Variants in RBFOX1 observed in about 807,000 individuals in gnomAD.
The protein encoded by RBFOX1 is RNA binding protein fox-1 homolog 1.
Under a neutral mutation model 57.7 loss-of-function variants are expected in RBFOX1, and 8 were observed. The observed-to-expected ratio is 0.14, with a 90% confidence interval of 0.08 to 0.25. The LOEUF (loss-of-function observed/expected upper bound fraction) is 0.25. RBFOX1 is among the 10% of genes least tolerant of loss of function. The pLI is 1.00. For synonymous variants in RBFOX1, 326 were observed against 222.4 expected, an observed-to-expected ratio of 1.47 and a Z score of -4.15; for missense variants, 611 against 548.5, an observed-to-expected ratio of 1.11 and a Z score of -1.14.
chr16:7,250,419 C>T (rs1174818499), intron 4 of RBFOX1, among the ~76,000 whole-genome samples: 3 of 152,176 alleles, frequency 2.0e-5, no homozygotes, highest in African/African-American at 4.8e-5. Flanking sequence ...TCATTTGTGT[C>T]TTCTAAGTGA....
At chr16:6,171,564 A>G (rs1453668284) in intron 1 of RBFOX1, among the ~76,000 whole-genome samples, 1 of 152,164 alleles carries the variant, frequency 6.6e-6, no homozygotes, top group African/African-American at 2.4e-5. Context: ...GGTTCTGCAA[A>G]TGTCTTGCCA....
chr16:5,819,244 C>T (rs2055758331), intron 3 of RBFOX1, among the ~76,000 whole-genome samples: 1 of 152,176 alleles, frequency 6.6e-6, no homozygotes, highest in South Asian at 2.1e-4. Flanking sequence ...AATGTGACAT[C>T]CTATGACAAA....
chr16:6,328,101 C>G (rs1317750364), intron 2 of RBFOX1, among the ~76,000 whole-genome samples: 1 of 152,178 alleles, frequency 6.6e-6, no homozygotes, highest in African/African-American at 2.4e-5. Flanking sequence ...TAATGGAATA[C>G]TACTCAGCCA....
At chr16:5,494,540 G>A (rs1402843806) in intron 2 of RBFOX1, among the ~76,000 whole-genome samples, 4 of 152,198 alleles carry the variant, frequency 2.6e-5, no homozygotes, top group African/African-American at 7.2e-5. Flanking sequence ...CCAAGGATGA[G>A]GGAGGTCTTG....
chr16:7,076,124 C>A (rs1249866050), intron 4 of RBFOX1, among the ~76,000 whole-genome samples: 1 of 151,694 alleles, frequency 6.6e-6, no homozygotes, highest in African/African-American at 2.4e-5. Flanking sequence ...TCACTGCAAC[C>A]TCTGCCTCCC....
At chr16:6,071,492 A>G (rs1021023490) in intron 1 of RBFOX1, among the ~76,000 whole-genome samples, 1 of 152,104 alleles carries the variant, frequency 6.6e-6, no homozygotes, top group Non-Finnish European at 1.5e-5. Context: ...GTTTACCGAT[A>G]TAACAAACCT....
At chr16:5,834,726 C>CATAG (rs375801995) in intron 3 of RBFOX1, among the ~76,000 whole-genome samples, 2 of 128,270 alleles carry the variant, frequency 1.6e-5, no homozygotes, top group African/African-American at 3.1e-5. Context: ...TACATAGATA[C>CATAG]ATAGATACAT....
intron 4 of RBFOX1, among the ~76,000 whole-genome samples, chr16:7,439,790 T>C (rs1598444426): frequency 6.6e-6 from 1 of 152,142 alleles, no homozygotes; most frequent in Non-Finnish European, 1.5e-5. Flanking sequence ...ACAGATTGCT[T>C]GCTTGTCAAA....
chr16:5,978,670 TTTTG>T lies in RBFOX1; in HGVS notation c.351+111343_351+111346del, dbSNP rs1330792103. 1.7e-4 allele frequency among the ~76,000 whole-genome samples: 25 copies of T among 148,790 alleles called. No individual in the cohort carries two copies. The South Asian group carries it at 4.4e-3, about 26-fold the overall frequency. On this transcript the variant is annotated intron_variant, in intron 4 of 19. Transcript: ENST00000641259. The stretch of plus-strand genomic sequence containing the variant: ...GAGTCTCAAAGTGTTTTTTTTGTTT[TTTTG>T]TTTGTTTTTTTTTTTGTTGTTGTTG...
chr16:6,712,654 G>A (rs1355304597), intron 3 of RBFOX1, among the ~76,000 whole-genome samples: 1 of 152,054 alleles, frequency 6.6e-6, no homozygotes, highest in Non-Finnish European at 1.5e-5. Context: ...CATGGCGTAG[G>A]CACTCTGATA....
At chr16:6,737,062 C>G (rs537686277) in intron 3 of RBFOX1, among the ~76,000 whole-genome samples, 4 of 152,286 alleles carry the variant, frequency 2.6e-5, no homozygotes, top group East Asian at 3.9e-4. Context: ...TACCATGTGT[C>G]AGATACTTCA....
intron 2 of RBFOX1, among the ~76,000 whole-genome samples, chr16:5,553,822 A>G (rs1159891915): frequency 6.6e-6 from 1 of 151,080 alleles, no homozygotes; most frequent in Non-Finnish European, 1.5e-5. Context: ...TTTTTATATA[A>G]TTAAAGGTCA....
chr16:6,087,485 A>T (rs901051823), intron 1 of RBFOX1, among the ~76,000 whole-genome samples: 3 of 152,266 alleles, frequency 2.0e-5, no homozygotes, highest in East Asian at 1.9e-4. Context: ...ATGTGTATAC[A>T]CATATTTGGA....
chr16:6,869,460 C>T (rs2060494929), intron 3 of RBFOX1, among the ~76,000 whole-genome samples: 1 of 102,698 alleles, frequency 9.7e-6, no homozygotes. Flanking sequence ...AGTTCCCTTA[C>T]TGTCTTTTGA....
intron 4 of RBFOX1, among the ~76,000 whole-genome samples, chr16:7,205,539 AAAAAG>A (rs1444171708): frequency 6.6e-6 from 1 of 152,072 alleles, no homozygotes; most frequent in Non-Finnish European, 1.5e-5. Context: ...GAAAAAGAAA[AAAAAG>A]AAAACTTACG....
chr16:7,665,093 C>G (rs534738642), intron 13 of RBFOX1, 125 bp downstream of exon 13: 3 of 1,583,156 alleles, frequency 1.9e-6, no homozygotes, highest in South Asian at 2.3e-5. Flanking sequence ...GGAAATAATT[C>G]CGTGGTTTGT....
chr16:7,226,702 A>G (rs982239528), intron 4 of RBFOX1, among the ~76,000 whole-genome samples: 1 of 152,224 alleles, frequency 6.6e-6, no homozygotes, highest in Non-Finnish European at 1.5e-5. Context: ...AGTACTGTAG[A>G]GGAGTTCAGA....
chr16:5,460,953 G>A (rs2068769485), intron 1 of RBFOX1, among the ~76,000 whole-genome samples: 2 of 152,156 alleles, frequency 1.3e-5, no homozygotes, highest in African/African-American at 2.4e-5. Flanking sequence ...GAAGGGATGT[G>A]CTCAGATGTC....
At chr16:7,116,183 C>T (rs752151696) in intron 4 of RBFOX1, among the ~76,000 whole-genome samples, 3 of 152,116 alleles carry the variant, frequency 2.0e-5, no homozygotes, top group Non-Finnish European at 2.9e-5. Flanking sequence ...TCCCGTTCAC[C>T]AGTTGCATCT....
Sources: allele counts gnomAD v4.1 joint callset (sites outside exome capture counted in the v4.1 genomes callset), GRCh38; gene constraint gnomAD v4.1.1; transcripts MANE v1.5; gene names NCBI Gene and HGNC (gene_info 2026-07-23, HGNC 2026-07-21).